Variants in MYPN observed in about 807,000 individuals in gnomAD.
The protein encoded by MYPN is myopalladin, also known as sarcomeric protein myopalladin, 145 kDa (MYOP).
A neutral mutation model predicts 129.4 loss-of-function variants in MYPN; 63 were observed. The ratio of observed to expected loss-of-function variants is 0.49; its 90% confidence interval spans 0.40 to 0.60. The LOEUF (loss-of-function observed/expected upper bound fraction) is 0.60. MYPN is among the 20% of genes least tolerant of loss of function. The pLI is 0.00. For synonymous variants in MYPN, 629 were observed against 600.9 expected, an observed-to-expected ratio of 1.05 and a Z score of -0.68; for missense variants, 1,596 against 1,635.4, an observed-to-expected ratio of 0.98 and a Z score of 0.42.
intron 7 of MYPN, among the ~76,000 whole-genome samples, chr10:68,160,824 G>T (rs534408320): frequency 6.6e-6 from 1 of 152,288 alleles, no homozygotes; most frequent in Non-Finnish European, 1.5e-5. Context: ...GCCTGAGGTA[G>T]GAGAATCACT....
At chr10:68,113,641 G>A (rs1371802162) in intron 1 of MYPN, among the ~76,000 whole-genome samples, 3 of 150,706 alleles carry the variant, frequency 2.0e-5, no homozygotes, top group Non-Finnish European at 2.9e-5. Flanking sequence ...AGGCTGCAGT[G>A]AGCCATGACT....
intron 6 of MYPN, among the ~76,000 whole-genome samples, chr10:68,157,670 C>CAAAAA (rs71009010): frequency 1.2e-5 from 1 of 84,886 alleles, no homozygotes; most frequent in African/African-American, 5.0e-5. Flanking sequence ...CCTGTCTCTA[C>CAAAAA]AAAAAAAAAA....
chr10:68,199,283 G>T, intron 16 of MYPN, 85 bp from the exon 17 acceptor site: 1 of 1,335,100 alleles, frequency 7.5e-7, no homozygotes, highest in Non-Finnish European at 1.1e-6. Context: ...TGTCTGTTTG[G>T]TGCCAAGCAA....
Position 68,174,512 on chromosome 10 carries a change from T to C in MYPN, c.2420T>C (p.Phe807Ser), listed in dbSNP as rs760419556. The stretch of plus-strand genomic sequence containing the variant: ...TTTTCCATCCCCAGCGGAAACCAGT[T>C]TCAGCCCCGCTGTGTGTCCCCAATT... Reference protein sequence around the residue: ...FTFSIPSGNQFQPRCVSPIPV... With the variant: ...FTFSIPSGNQSQPRCVSPIPV... The change falls in exon 11 of 20, where the codon TTT becomes TCT. Residue 807 changes from phenylalanine to serine, a missense_variant. Physicochemically the swap from Phe to Ser is radical, Grantham distance 155. Transcript: ENST00000358913. The C allele has an allele frequency of 4.3e-6, 7 of 1,614,094 alleles. No homozygotes were observed. The East Asian group carries it at 1.6e-4, about 36-fold the overall frequency.
chr10:68,114,735 G>A (rs1042758040), intron 1 of MYPN, among the ~76,000 whole-genome samples: 2 of 152,100 alleles, frequency 1.3e-5, no homozygotes, highest in Non-Finnish European at 2.9e-5. Context: ...GAGATATTTA[G>A]GAAAGTAAAG....
intron 12 of MYPN, among the ~76,000 whole-genome samples, chr10:68,182,384 CAT>C (rs1355477510): frequency 1.1e-5 from 1 of 94,090 alleles, no homozygotes; most frequent in East Asian, 2.7e-4. Flanking sequence ...ATATATAACA[CAT>C]ATATAACATA....
Position 68,148,133 on chromosome 10 carries a change from G to C in MYPN, c.1131-220G>C, listed in dbSNP as rs79044605. ...ACTCCCTGGCTACACTGAGAACAAC[G>C]GCCCAAGGACAGGAATGGTGTCTTA... On this transcript the variant is annotated intron_variant, in intron 4 of 19. Coordinates refer to ENST00000358913, the MANE Select transcript of MYPN (RefSeq NM_032578.4). Among the ~76,000 whole-genome samples the C allele has an allele frequency of 0.016, 2,457 of 152,114 alleles. 69 individuals are homozygous for C. The highest frequency in any genetic ancestry group is 0.056 in the African/African-American group (2,331 of 41,480).
chr10:68,132,928 C>T (rs538486170), intron 2 of MYPN, among the ~76,000 whole-genome samples: 174 of 151,822 alleles, frequency 1.1e-3, no homozygotes, highest in South Asian at 6.9e-3. Context: ...ATCATCATCC[C>T]AAAATGGTAG....
rs1214537883 is a variant in MYPN, at chr10:68,122,310, T to A, written c.872T>A (p.Ile291Lys). 6 of 1,613,772 alleles carry A rather than the reference T, an allele frequency of 3.7e-6. No homozygotes were observed. The highest frequency in any genetic ancestry group is 5.1e-6 in the Non-Finnish European group (6 of 1,180,024). ...PEGTRVQLDC[I>K]VVGIPPPQVR... Reference sequence around the variant, plus strand: ...GGAACTCGAGTACAGTTGGATTGCATAGTGGTAGGAATTCCACCACCTCAA... The same window carrying A: ...GGAACTCGAGTACAGTTGGATTGCAAAGTGGTAGGAATTCCACCACCTCAA... Residue 291 changes from isoleucine to lysine, a missense_variant, in exon 2 of 20, where the codon ATA (isoleucine) becomes AAA (lysine). By Grantham distance (102) the Ile-to-Lys change is moderately radical (BLOSUM62 -3). Coordinates refer to ENST00000358913, the MANE Select transcript of MYPN (RefSeq NM_032578.4).
At chr10:68,110,092 T>A (rs1022760517) in intron 1 of MYPN, among the ~76,000 whole-genome samples, 4 of 152,262 alleles carry the variant, frequency 2.6e-5, no homozygotes, top group Admixed American at 2.6e-4. Flanking sequence ...GGAAGTTGAA[T>A]CTAAAATAAT....
chr10:68,135,256 A>G (rs775027370), intron 2 of MYPN, among the ~76,000 whole-genome samples: 1 of 152,116 alleles, frequency 6.6e-6, no homozygotes, highest in Non-Finnish European at 1.5e-5. Context: ...CCCAACCAGA[A>G]CTCAATAAAT....
chr10:68,133,455 A>G (rs2042440855), intron 2 of MYPN, among the ~76,000 whole-genome samples: 1 of 152,136 alleles, frequency 6.6e-6, no homozygotes, highest in Non-Finnish European at 1.5e-5. Flanking sequence ...CAAATTGTAA[A>G]TATGCAATTG....
At chr10:68,124,625 G>A (rs997567975) in intron 2 of MYPN, among the ~76,000 whole-genome samples, 2 of 152,142 alleles carry the variant, frequency 1.3e-5, no homozygotes, top group African/African-American at 4.8e-5. Context: ...TTATCCTGCT[G>A]ACCTCCTTGA....
chr10:68,136,760 T>C, intron 2 of MYPN: 1 of 1,525,254 alleles, frequency 6.6e-7, no homozygotes, highest in South Asian at 1.2e-5. Flanking sequence ...CTCTAAATAA[T>C]TTAGATAATC....
chr10:68,144,503 A>G (rs1369383403), intron 3 of MYPN, among the ~76,000 whole-genome samples: 3 of 152,150 alleles, frequency 2.0e-5, no homozygotes, highest in African/African-American at 7.2e-5. Context: ...TTGTATGTGT[A>G]TGTGTTTTTA....
At chr10:68,177,043 G>A in intron 12 of MYPN, among the ~76,000 whole-genome samples, 1 of 152,204 alleles carries the variant, frequency 6.6e-6, no homozygotes, top group Non-Finnish European at 1.5e-5. Flanking sequence ...TTAGAGCCTT[G>A]TAAAAACAAT....
chr10:68,093,831 T>C (rs1476951547), intron 1 of MYPN, among the ~76,000 whole-genome samples: 1 of 151,726 alleles, frequency 6.6e-6, no homozygotes, highest in Non-Finnish European at 1.5e-5. Context: ...ATAGACTGAG[T>C]ATACATATTG....
chr10:68,146,139 T>A (rs2042663037), intron 4 of MYPN, among the ~76,000 whole-genome samples: 1 of 152,210 alleles, frequency 6.6e-6, no homozygotes, highest in Non-Finnish European at 1.5e-5. Flanking sequence ...AATCTTAACA[T>A]GGCATACATA....
At chr10:68,112,624 A>G (rs796842164) in intron 1 of MYPN, among the ~76,000 whole-genome samples, 2 of 152,208 alleles carry the variant, frequency 1.3e-5, no homozygotes, top group African/African-American at 4.8e-5. Context: ...TGATGTATGC[A>G]TTTGTCTGTA....
Sources: gnomAD v4.1 joint callset for allele counts (sites outside exome capture counted in the v4.1 genomes callset) on GRCh38, gnomAD v4.1.1 for gene constraint, MANE v1.5 for transcripts, NCBI Gene and HGNC (gene_info 2026-07-23, HGNC 2026-07-21) for gene names.